The following TBCD variants were observed in gnomAD, a reference collection of about 807,000 sequenced individuals.
The protein encoded by TBCD is tubulin-specific chaperone D.
A neutral mutation model predicts 169.3 loss-of-function variants in TBCD; 105 were observed. The ratio of observed to expected loss-of-function variants is 0.62; its 90% CI spans 0.53 to 0.73. The LOEUF is 0.73. Ranked by LOEUF, TBCD falls within the 30% of genes least tolerant of loss-of-function variation. The pLI is 0.00. For synonymous variants in TBCD, 700 were observed against 643.9 expected (o/e 1.09, Z -1.32); for missense variants, 1,444 against 1,600.1 (o/e 0.90, Z 1.66).
chr17:82,934,699 C>T (rs1049708955), intron 34 of TBCD, among the ~76,000 whole-genome samples: 6 of 152,044 alleles, frequency 3.9e-5, no homozygotes, highest in East Asian at 3.9e-4. Context: ...CTCGAACTCC[C>T]GACCTGAGGT....
At position 82,752,197 on chromosome 17, in the gene TBCD, G is replaced by A. The variant is rs1279157812; in HGVS notation, c.4G>A (p.Ala2Thr). The A allele has an allele frequency of 7.2e-6, 11 of 1,521,690 alleles. No homozygotes were observed. The highest frequency in any genetic ancestry group is 2.0e-4 in the Middle Eastern group (1 of 4,904). The allele number at this position is 1,521,690 out of a possible 1,614,324, so 94.3% of individuals were successfully genotyped here. A position where few individuals can be genotyped will look rare whatever the true frequency, so the allele number is the denominator to read the frequency against. Residue 2 changes from alanine (A) to threonine (T), a missense_variant, in exon 1 of 39, where the codon GCC becomes ACC. Coordinates refer to ENST00000355528, the MANE Select transcript of TBCD (RefSeq NM_005993.5). M[A>T]LSDEPAAGGP... ...GCGCGGTCCCCAGGCTGCCGAGATG[G>A]CCCTGAGCGACGAACCGGCCGCGGG... is the stretch of plus-strand genomic sequence containing the variant.
chr17:82,852,637 C>T (rs1040279013), intron 13 of TBCD, among the ~76,000 whole-genome samples: 11 of 152,188 alleles, frequency 7.2e-5, no homozygotes, highest in Non-Finnish European at 1.0e-4. Flanking sequence ...TTTTACCTTA[C>T]GCATCTCTAA....
In TBCD at chr17:82,832,067, G is replaced by C. The variant is rs1271075000; in HGVS notation, c.1318+17133G>C. 6.2e-7 allele frequency: 1 copy of C among 1,614,016 alleles called. No individual in the cohort carries two copies. The highest frequency in any genetic ancestry group is 8.5e-7 in the Non-Finnish European group (1 of 1,179,878). ...CAGGGTGATGCCCTGTGGAGGGCTGGCTTCTGTCCCAGGCACCTGTGGGTT... is the reference window on the plus strand; with the variant it reads ...CAGGGTGATGCCCTGTGGAGGGCTGCCTTCTGTCCCAGGCACCTGTGGGTT... On this transcript the variant is annotated intron_variant, in intron 13 of 38. Coordinates refer to ENST00000355528, the MANE Select transcript of TBCD (RefSeq NM_005993.5). The surrounding 1 kb of genome is among the most constrained non-coding windows in gnomAD (Gnocchi z 4.9).
At chr17:82,875,010 C>G (rs1398507643) in intron 14 of TBCD, among the ~76,000 whole-genome samples, 2 of 152,180 alleles carry the variant, frequency 1.3e-5, no homozygotes, top group Non-Finnish European at 2.9e-5. Flanking sequence ...AGCAGCCGCT[C>G]CTCACTCTTC....
At chr17:82,813,287 C>G (rs2051594949) in intron 12 of TBCD, among the ~76,000 whole-genome samples, 1 of 152,204 alleles carries the variant, frequency 6.6e-6, no homozygotes, top group African/African-American at 2.4e-5. Flanking sequence ...CTCTCTCTCT[C>G]TTCCTCTCCC....
chr17:82,918,959 C>T (rs568999867), intron 23 of TBCD, among the ~76,000 whole-genome samples: 1 of 152,100 alleles, frequency 6.6e-6, no homozygotes, highest in African/African-American at 2.4e-5. Context: ...AAGGTAAAGT[C>T]GTATCTAAAA....
In TBCD at chr17:82,943,861, T is replaced by C. The variant is rs770729429; in HGVS notation, c.*1398T>C. 2.6e-5 allele frequency: 4 copies of C among 152,284 alleles called. No homozygotes were observed. The highest frequency in any genetic ancestry group is 4.4e-5 in the Non-Finnish European group (3 of 68,086). The allele number at this position is 152,284 out of a possible 1,614,324, so 9.4% of individuals were successfully genotyped here. A position where few individuals can be genotyped will look rare whatever the true frequency, so the allele number is the denominator to read the frequency against. ...TCTCCTCCTCCTTGAACTGTCCCGA[T>C]TGGCTGGGGTCACGTGGTGAGGGTC... is the stretch of plus-strand genomic sequence containing the variant. On this transcript the variant is annotated 3_prime_UTR_variant, in exon 39 of 39. Coordinates refer to ENST00000355528, the MANE Select transcript of TBCD (RefSeq NM_005993.5).
intron 8 of TBCD, among the ~76,000 whole-genome samples, chr17:82,798,151 A>G (rs1420389207): frequency 8.5e-6 from 1 of 117,798 alleles, no homozygotes; most frequent in African/African-American, 3.0e-5. Context: ...TAATTTTTGT[A>G]TTTTTTTTTT....
At chr17:82,798,424 G>A (rs1352549757) in intron 8 of TBCD, among the ~76,000 whole-genome samples, 1 of 152,194 alleles carries the variant, frequency 6.6e-6, no homozygotes, top group Non-Finnish European at 1.5e-5. Context: ...GGGATTACAG[G>A]TGTGAGCCAC....
intron 13 of TBCD, among the ~76,000 whole-genome samples, chr17:82,853,827 G>A (rs1434244591): frequency 6.6e-6 from 1 of 152,154 alleles, no homozygotes; most frequent in Non-Finnish European, 1.5e-5. Flanking sequence ...AAGCTGGTGA[G>A]TTTAGTCCAT....
chr17:82,884,272 CTG>C lies in TBCD; in HGVS notation c.1533+73_1533+74del. The C allele has an allele frequency of 1.4e-6, 2 of 1,396,018 alleles. No homozygotes were observed. The highest frequency in any genetic ancestry group is 1.4e-5 in the African/African-American group (1 of 70,148). 86.5% of individuals were successfully genotyped at this position (1,396,018 alleles called of 1,614,324 possible). On this transcript the variant is annotated intron_variant, in intron 15 of 38. Coordinates refer to ENST00000355528, the MANE Select transcript of TBCD (RefSeq NM_005993.5). This position sits in a 1 kb window ranked among gnomAD's most constrained non-coding sequence, Gnocchi z 4.2. Reference sequence around the variant, plus strand: ...TGGGCCTGGTCTCCCTGATGCTCCTCTGTGCACTGCTGCCTGGCCAGCTCACC... The same window carrying C: ...TGGGCCTGGTCTCCCTGATGCTCCTCTGCACTGCTGCCTGGCCAGCTCACC...
At chr17:82,816,892 C>T (rs1249085870) in intron 13 of TBCD, among the ~76,000 whole-genome samples, 3 of 149,930 alleles carry the variant, frequency 2.0e-5, no homozygotes, top group Non-Finnish European at 4.4e-5. Flanking sequence ...GAGTGTGAAG[C>T]GCCACCTTGT....
chr17:82,766,520 C>T (rs573965444), intron 4 of TBCD, among the ~76,000 whole-genome samples, 152 bp downstream of exon 4: 1 of 152,078 alleles, frequency 6.6e-6, no homozygotes, highest in East Asian at 1.9e-4. Flanking sequence ...TTTCTTTTCA[C>T]TTTTCCTTTA....
At chr17:82,798,149 G>GTT (rs1362143835) in intron 8 of TBCD, among the ~76,000 whole-genome samples, 2 of 94,082 alleles carry the variant, frequency 2.1e-5, no homozygotes, top group African/African-American at 5.4e-5. Context: ...GCTAATTTTT[G>GTT]TATTTTTTTT....
intron 13 of TBCD, chr17:82,830,549 C>G (rs1277753434): frequency 1.2e-6 from 2 of 1,614,146 alleles, no homozygotes; most frequent in Non-Finnish European, 1.7e-6. Flanking sequence ...TCCTCAGAAC[C>G]TTCTGTCCCA....
At chr17:82,778,577 G>A (rs955308380) in intron 6 of TBCD, among the ~76,000 whole-genome samples, 1 of 151,206 alleles carries the variant, frequency 6.6e-6, no homozygotes, top group Non-Finnish European at 1.5e-5. Flanking sequence ...TCCCACCTTA[G>A]CCTCCCCAGT....
intron 7 of TBCD, among the ~76,000 whole-genome samples, chr17:82,787,680 C>G (rs1286343915): frequency 6.6e-6 from 1 of 152,206 alleles, no homozygotes; most frequent in African/African-American, 2.4e-5. Context: ...TTGTCATCCA[C>G]CTGTTCATTA....
At chr17:82,870,155 C>T (rs2057454996) in intron 13 of TBCD, 69 bp from the exon 14 acceptor site, 2 of 1,600,374 alleles carry the variant, frequency 1.2e-6, no homozygotes, top group Non-Finnish European at 1.7e-6. Flanking sequence ...CTGAGCCCCA[C>T]TTCTCTGAAG....
At position 82,900,480 on chromosome 17, in the gene TBCD, C is replaced by A. The variant is rs999939371; in HGVS notation, c.1650-171C>A. 4.9e-6 allele frequency: 3 copies of A among 611,222 alleles called. No homozygotes were observed. In the African/African-American group the frequency reaches 5.6e-5, roughly 11 times the overall value. 37.9% of individuals were successfully genotyped at this position (611,222 alleles called of 1,614,324 possible). On this transcript the variant is annotated intron_variant, in intron 17 of 38. Coordinates refer to ENST00000355528, the MANE Select transcript of TBCD (RefSeq NM_005993.5). The stretch of plus-strand genomic sequence containing the variant: ...CGTTTGTGTAAAGCCCGTGTGTGCA[C>A]AGATGCTCTTTTCTTTTGGGTAACT...
Sources: gnomAD v4.1 joint callset for allele counts (sites outside exome capture counted in the v4.1 genomes callset) on GRCh38, gnomAD v4.1.1 for gene constraint, Gnocchi (gnomAD v3.1) non-coding constraint, MANE v1.5 for transcripts, NCBI Gene and HGNC (gene_info 2026-07-23, HGNC 2026-07-21) for gene names.